LARS2: variants seen among roughly 807,000 people sequenced by gnomAD.
LARS2 encodes leucine--tRNA ligase, mitochondrial.
In LARS2, 81 loss-of-function variants were observed where a neutral mutation model predicts 116.6. The observed-to-expected ratio is 0.69, with a 90% CI of 0.58 to 0.84. LARS2 has a LOEUF of 0.84. Ranked by LOEUF, LARS2 falls within the 40% of genes least tolerant of loss-of-function variation. The pLI is 0.00. For synonymous variants in LARS2, 396 were observed against 407.2 expected, an observed-to-expected ratio of 0.97 and a Z score of 0.33; for missense variants, 968 against 1,114.5, an observed-to-expected ratio of 0.87 and a Z score of 1.87.
chr3:45,467,764 A>C (rs1000790501), intron 8 of LARS2, among the ~76,000 whole-genome samples: 1 of 152,158 alleles, frequency 6.6e-6, no homozygotes, highest in African/African-American at 2.4e-5. Context: ...AATTGTGGGT[A>C]ATTGTTAATT....
intron 6 of LARS2, chr3:45,421,867 C>CT (rs1413689612): frequency 2.6e-5 from 4 of 152,238 alleles, no homozygotes; most frequent in African/African-American, 9.6e-5. Flanking sequence ...ACAACACAGT[C>CT]TCTTGCAGAG....
chr3:45,482,058 A>G (rs1448073860), intron 10 of LARS2, among the ~76,000 whole-genome samples: 1 of 152,180 alleles, frequency 6.6e-6, no homozygotes, highest in Non-Finnish European at 1.5e-5. Flanking sequence ...ATTCTTTTGC[A>G]CATGGTCATG....
At position 45,547,539 on chromosome 3, in the gene LARS2, A is replaced by G. The variant is rs761442898; in HGVS notation, c.*9A>G. ...TCCTGGTGCAAGATTGACAGCCAGG[A>G]GGCTGCAGCTACCACGAGGGCCTCT... On this transcript the variant is annotated 3_prime_UTR_variant, in exon 22 of 22. Transcript: ENST00000645846. 1.1e-5 allele frequency: 17 copies of G among 1,592,570 alleles called. No individual in the cohort carries two copies. The highest frequency in any genetic ancestry group is 1.5e-5 in the Non-Finnish European group (17 of 1,170,580).
intron 13 of LARS2, among the ~76,000 whole-genome samples, chr3:45,492,285 G>T (rs755243489): frequency 2.0e-4 from 31 of 152,294 alleles, no homozygotes; most frequent in Middle Eastern, 3.4e-3. Flanking sequence ...TCTTTAATAT[G>T]CTGAAGCACC....
At chr3:45,517,460 T>C (rs1313125093) in intron 17 of LARS2, among the ~76,000 whole-genome samples, 1 of 152,232 alleles carries the variant, frequency 6.6e-6, no homozygotes. Flanking sequence ...CACTTCACAC[T>C]CTACAGCAGT....
At chr3:45,483,744 C>T (rs1046325938) in intron 10 of LARS2, among the ~76,000 whole-genome samples, 1 of 152,190 alleles carries the variant, frequency 6.6e-6, no homozygotes, top group Non-Finnish European at 1.5e-5. Context: ...CAACAGGTGT[C>T]TCCCAGCTAA....
At chr3:45,493,260 C>T (rs559201654) in intron 13 of LARS2, among the ~76,000 whole-genome samples, 5 of 152,236 alleles carry the variant, frequency 3.3e-5, no homozygotes, top group Non-Finnish European at 5.9e-5. Flanking sequence ...CCACCAAGCC[C>T]GGCTAATTTT....
Position 45,473,664 on chromosome 3 carries a change from G to A in LARS2, c.751-579G>A, listed in dbSNP as rs563874832. On this transcript the variant is annotated intron_variant, in intron 8 of 21. Transcript: ENST00000645846. Reference sequence around the variant, plus strand: ...CTGCCAAAGTGCTGATATTACAGGCGTGAGCCACTGCACCTGGCCTGTTGT... The same window carrying A: ...CTGCCAAAGTGCTGATATTACAGGCATGAGCCACTGCACCTGGCCTGTTGT... 1.1e-4 allele frequency among the ~76,000 whole-genome samples: 16 copies of A among 150,086 alleles called. No individual in the cohort carries two copies. The South Asian group carries it at 2.3e-3, about 22-fold the overall frequency.
At chr3:45,513,445 C>A (rs1245025428) in intron 16 of LARS2, among the ~76,000 whole-genome samples, 1 of 152,250 alleles carries the variant, frequency 6.6e-6, no homozygotes, top group Non-Finnish European at 1.5e-5. Flanking sequence ...TCTGCTGCAG[C>A]CCCCTTCAGC....
chr3:45,433,578 A>G (rs34877269), intron 6 of LARS2, among the ~76,000 whole-genome samples: 18,835 of 152,178 alleles, frequency 0.12, 1,430 homozygotes, highest in Middle Eastern at 0.2. Flanking sequence ...TCCTCTATAT[A>G]CATTGAAATC....
chr3:45,524,792 A>T (rs1700509624), intron 20 of LARS2, among the ~76,000 whole-genome samples: 1 of 152,224 alleles, frequency 6.6e-6, no homozygotes, highest in African/African-American at 2.4e-5. Flanking sequence ...TTCTTCTAAA[A>T]AAAAGATCTC....
intron 7 of LARS2, among the ~76,000 whole-genome samples, chr3:45,450,903 C>T (rs191799794): frequency 2.2e-4 from 34 of 152,236 alleles, no homozygotes; most frequent in African/African-American, 7.0e-4. Context: ...AATTATGTTT[C>T]GTTGTGGTTT....
chr3:45,512,380 C>T (rs1424491779), intron 15 of LARS2, among the ~76,000 whole-genome samples: 1 of 152,196 alleles, frequency 6.6e-6, no homozygotes, highest in African/African-American at 2.4e-5. Flanking sequence ...TAAACAACTG[C>T]AAATTTGCAA....
chr3:45,513,999 A>T (rs1700333115), intron 16 of LARS2, among the ~76,000 whole-genome samples: 1 of 152,158 alleles, frequency 6.6e-6, no homozygotes, highest in Non-Finnish European at 1.5e-5. Context: ...TGAGGTCAGG[A>T]GTTCAAGACC....
chr3:45,527,566 G>T (rs1341398018), intron 20 of LARS2, among the ~76,000 whole-genome samples: 1 of 151,632 alleles, frequency 6.6e-6, no homozygotes, highest in Non-Finnish European at 1.5e-5. Context: ...GGAGCTTGCA[G>T]TGAGCCGAGA....
Position 45,484,630 on chromosome 3 carries a change from A to AATATATATATATATAT in LARS2, c.1019-1059_1019-1044dup, listed in dbSNP as rs1553634444. 5.7e-3 allele frequency among the ~76,000 whole-genome samples: 56 copies of AATATATATATATATAT among 9,742 alleles called. 4 individuals are homozygous for AATATATATATATATAT. The highest frequency in any genetic ancestry group is 0.034 in the East Asian group (4 of 118). 6.4% of individuals were successfully genotyped at this position (9,742 alleles called of 152,430 possible). On this transcript the variant is annotated intron_variant, in intron 10 of 21. Coordinates refer to ENST00000645846, the MANE Select transcript of LARS2 (RefSeq NM_015340.4). ...AAAAAAAAAAAAAAAAAAAAAAAAA[A>AATATATATATATATAT]ATATATATATATATATATTTAAAAT...
chr3:45,466,826 C>T (rs1371117157), intron 8 of LARS2, among the ~76,000 whole-genome samples: 1 of 152,144 alleles, frequency 6.6e-6, no homozygotes, highest in Non-Finnish European at 1.5e-5. Context: ...AAGTGATTCT[C>T]CTGCTTCAGC....
In LARS2 at chr3:45,522,517, G is replaced by C. The variant is rs116034711; in HGVS notation, c.2293-1480G>C. ...AGGTCAAGGCAGATAGATCGCTTGAGGTCAGGAGTTCAACACCAACCTGCT... is the reference window on the plus strand; with the variant it reads ...AGGTCAAGGCAGATAGATCGCTTGACGTCAGGAGTTCAACACCAACCTGCT... On this transcript the variant is annotated intron_variant, in intron 19 of 21. Transcript: ENST00000645846. Among the ~76,000 whole-genome samples, 375 of 152,332 alleles carry C rather than the reference G, an allele frequency of 2.5e-3. 2 individuals are homozygous for C. The highest frequency in any genetic ancestry group is 8.6e-3 in the African/African-American group (357 of 41,576).
intron 20 of LARS2, among the ~76,000 whole-genome samples, chr3:45,537,208 G>A (rs894851576): frequency 1.3e-5 from 2 of 152,074 alleles, no homozygotes; most frequent in Non-Finnish European, 2.9e-5. Flanking sequence ...TGTGTGACTC[G>A]TGATCTCCAA....
Sources: allele counts gnomAD v4.1 joint callset (sites outside exome capture counted in the v4.1 genomes callset), GRCh38; gene constraint gnomAD v4.1.1; transcripts MANE v1.5; gene names NCBI Gene and HGNC (gene_info 2026-07-23, HGNC 2026-07-21).